PCDH15: variants seen among roughly 807,000 people sequenced by gnomAD.
The protein encoded by PCDH15 is protocadherin-15.
A neutral mutation model predicts 178.5 loss-of-function variants in PCDH15; 129 were observed. That is an observed-to-expected ratio of 0.72 (90% CI 0.63 to 0.84). The LOEUF (loss-of-function observed/expected upper bound fraction) is 0.84. PCDH15 is among the 40% of genes least tolerant of loss of function. The pLI is 0.00. For missense variants in PCDH15, 2,230 were observed against 2,099.9 expected, an observed-to-expected ratio of 1.06 and a Z score of -1.21; for synonymous variants, 800 against 732.0, an observed-to-expected ratio of 1.09 and a Z score of -1.50.
At chr10:54,269,248 A>T (rs1286306361) in intron 8 of PCDH15, among the ~76,000 whole-genome samples, 1 of 151,922 alleles carries the variant, frequency 6.6e-6, no homozygotes, top group Non-Finnish European at 1.5e-5. Context: ...TTTCAGAAAC[A>T]GTATTATTAA....
chr10:55,118,182 A>G (rs567164071), intron 2 of PCDH15, among the ~76,000 whole-genome samples: 1 of 152,314 alleles, frequency 6.6e-6, no homozygotes, highest in African/African-American at 2.4e-5. Flanking sequence ...CTTAACCAAG[A>G]CAGGGAGCTC....
At chr10:55,357,868 C>G (rs1280912422) in intron 2 of PCDH15, among the ~76,000 whole-genome samples, 1 of 151,906 alleles carries the variant, frequency 6.6e-6, no homozygotes, top group Non-Finnish European at 1.5e-5. Context: ...CAGTGTTTCC[C>G]AAAGATAAAT....
At chr10:54,774,684 A>G (rs371487267) in intron 1 of PCDH15, among the ~76,000 whole-genome samples, 46 of 152,272 alleles carry the variant, frequency 3.0e-4, no homozygotes, top group African/African-American at 9.6e-4. Context: ...CTTAGGGACC[A>G]TTATTTTCAT....
chr10:54,458,185 T>C (rs980188630), intron 3 of PCDH15, among the ~76,000 whole-genome samples: 3 of 152,180 alleles, frequency 2.0e-5, no homozygotes, highest in African/African-American at 7.2e-5. Context: ...GTTTATTCCA[T>C]AGAGTCTCTA....
At chr10:55,119,858 G>C (rs1040041095) in intron 2 of PCDH15, among the ~76,000 whole-genome samples, 8 of 152,228 alleles carry the variant, frequency 5.3e-5, no homozygotes, top group African/African-American at 1.9e-4. Context: ...GGTGACAAAA[G>C]ATAGGAGAGA....
chr10:54,171,452 C>T (rs2046896678), intron 13 of PCDH15, among the ~76,000 whole-genome samples: 1 of 152,152 alleles, frequency 6.6e-6, no homozygotes, highest in Admixed American at 6.5e-5. Context: ...ATTCCAGACA[C>T]CAGAGCAACT....
In PCDH15 at chr10:54,018,462, A is replaced by T. The variant is rs145810923; in HGVS notation, c.2751+1730T>A. On this transcript the variant is annotated intron_variant, in intron 20 of 37. Transcript: ENST00000644397. The stretch of plus-strand genomic sequence containing the variant: ...ACAATTCACCTTAAACACATAATGG[A>T]CTTTAACTATAATCACTTCAAAAGA... Among the ~76,000 whole-genome samples the T allele has an allele frequency of 6.2e-3, 951 of 152,238 alleles. 8 individuals carry two copies. Among genetic ancestry groups the T allele is most frequent in the African/African-American group, 0.022 (908 of 41,564 alleles).
chr10:55,206,500 TACTTA>T (rs1440617868), intron 1 of PCDH15, among the ~76,000 whole-genome samples: 7 of 152,120 alleles, frequency 4.6e-5, no homozygotes, highest in Non-Finnish European at 8.8e-5. Context: ...TTTAGTTAGT[TACTTA>T]ACTTGAGTTT....
At chr10:54,179,436 G>A (rs1403650692) in intron 13 of PCDH15, among the ~76,000 whole-genome samples, 1 of 133,666 alleles carries the variant, frequency 7.5e-6, no homozygotes, top group Admixed American at 7.6e-5. Flanking sequence ...GGGGGAGGGG[G>A]CAGGGATAGC....
At chr10:54,686,363 T>G (rs947410938) in intron 1 of PCDH15, among the ~76,000 whole-genome samples, 24 of 152,122 alleles carry the variant, frequency 1.6e-4, no homozygotes, top group Admixed American at 4.6e-4. Flanking sequence ...TTAGATCCTT[T>G]TTAAAGAAAG....
At chr10:55,229,039 T>C (rs1453821384) in intron 1 of PCDH15, among the ~76,000 whole-genome samples, 1 of 151,886 alleles carries the variant, frequency 6.6e-6, no homozygotes, top group Non-Finnish European at 1.5e-5. Context: ...TTTCCTCAAG[T>C]ATAGGAGTAT....
At chr10:53,908,017 C>G (rs557733569) in intron 25 of PCDH15, among the ~76,000 whole-genome samples, 1 of 152,150 alleles carries the variant, frequency 6.6e-6, no homozygotes, top group Non-Finnish European at 1.5e-5. Context: ...CATTTATCCA[C>G]ATGACTAATC....
intron 3 of PCDH15, among the ~76,000 whole-genome samples, chr10:54,401,703 T>A (rs1248368456): frequency 2.0e-5 from 3 of 151,942 alleles, no homozygotes; most frequent in Non-Finnish European, 4.4e-5. Flanking sequence ...AATCTCCTCA[T>A]GTAATGTCAA....
chr10:53,998,277 T>A (rs2610879), intron 20 of PCDH15, among the ~76,000 whole-genome samples: 3,252 of 152,290 alleles, frequency 0.021, 94 homozygotes, highest in African/African-American at 0.071. Context: ...ATAGTTTTAA[T>A]GCTTCAAAAG....
chr10:54,757,728 C>T (rs189867524), intron 1 of PCDH15, among the ~76,000 whole-genome samples: 23 of 152,078 alleles, frequency 1.5e-4, no homozygotes, highest in Admixed American at 5.2e-4. Context: ...TTTATTTATG[C>T]CGAGAGAGAG....
At chr10:55,284,593 A>C (rs921626170) in intron 1 of PCDH15, among the ~76,000 whole-genome samples, 23 of 152,112 alleles carry the variant, frequency 1.5e-4, no homozygotes, top group African/African-American at 5.3e-4. Flanking sequence ...TCATTGTTAC[A>C]TACCAATAAT....
chr10:55,243,245 A>T (rs1035316511), intron 1 of PCDH15, among the ~76,000 whole-genome samples: 3 of 152,192 alleles, frequency 2.0e-5, no homozygotes, highest in African/African-American at 7.2e-5. Context: ...CCCCAAACAC[A>T]CAACAAATGA....
At chr10:55,367,288 C>A (rs1179485894) in intron 2 of PCDH15, among the ~76,000 whole-genome samples, 2 of 152,036 alleles carry the variant, frequency 1.3e-5, no homozygotes, top group Non-Finnish European at 2.9e-5. Context: ...AGCACTCAAA[C>A]TGGAAGAAGT....
chr10:55,412,387 C>A (rs1838359817), intron 2 of PCDH15, among the ~76,000 whole-genome samples: 1 of 151,896 alleles, frequency 6.6e-6, no homozygotes, highest in Non-Finnish European at 1.5e-5. Context: ...GTTAACAGGC[C>A]TTAGAAACTG....
Sources: gnomAD v4.1 joint callset for allele counts (sites outside exome capture counted in the v4.1 genomes callset) on GRCh38, gnomAD v4.1.1 for gene constraint, MANE v1.5 for transcripts, NCBI Gene and HGNC (gene_info 2026-07-23, HGNC 2026-07-21) for gene names.